Variants in SLC10A7 observed in about 807,000 individuals in gnomAD.
SLC10A7 encodes the protein solute carrier family 10 member 7.
SLC10A7 carries 29 observed loss-of-function variants against 43.2 expected under a neutral mutation model. The ratio of observed to expected loss-of-function variants is 0.67; its 90% CI spans 0.50 to 0.92. SLC10A7 has a LOEUF of 0.92. Ranked by LOEUF, SLC10A7 falls within the 40% of genes least tolerant of loss-of-function variation. The probability of loss-of-function intolerance (pLI) is 0.00; values close to 1 mark genes in which losing one functional copy is unlikely to be tolerated. For synonymous variants in SLC10A7, 152 were observed against 144.8 expected (o/e 1.05, Z -0.35); for missense variants, 295 against 403.2 (o/e 0.73, Z 2.30).
At chr4:146,489,409 T>C (rs1735200847) in intron 4 of SLC10A7, among the ~76,000 whole-genome samples, 2 of 152,230 alleles carry the variant, frequency 1.3e-5, no homozygotes, top group Admixed American at 1.3e-4. Context: ...TCTCTTTTTG[T>C]GTCAGTTTTC....
chr4:146,316,243 C>T (rs1485950), intron 6 of SLC10A7, among the ~76,000 whole-genome samples: 124,415 of 152,062 alleles, frequency 0.82, 51,707 homozygotes, highest in African/African-American at 0.95. Flanking sequence ...GAGAGATATG[C>T]TATCAAGATA....
intron 9 of SLC10A7, among the ~76,000 whole-genome samples, chr4:146,288,259 G>A (rs1730169055): frequency 6.6e-6 from 1 of 152,330 alleles, no homozygotes; most frequent in African/African-American, 2.4e-5. Context: ...ATCGGGGAAA[G>A]CTGATAGAGC....
intron 10 of SLC10A7, among the ~76,000 whole-genome samples, chr4:146,280,359 G>A (rs1447847587): frequency 6.6e-6 from 1 of 152,056 alleles, no homozygotes; most frequent in Non-Finnish European, 1.5e-5. Flanking sequence ...CTTGCTTTCT[G>A]GACTATGAAG....
chr4:146,300,044 G>A (rs1404487018), intron 7 of SLC10A7, among the ~76,000 whole-genome samples: 1 of 152,176 alleles, frequency 6.6e-6, no homozygotes, highest in African/African-American at 2.4e-5. Flanking sequence ...ATCAAAGGGA[G>A]AAAGAGTGAA....
At chr4:146,304,995 A>G (rs1731447903) in intron 7 of SLC10A7, among the ~76,000 whole-genome samples, 1 of 151,718 alleles carries the variant, frequency 6.6e-6, no homozygotes, top group Admixed American at 6.6e-5. Context: ...AACTAGTTCA[A>G]CCATTGTGGA....
At position 146,292,977 on chromosome 4, in the gene SLC10A7, A is replaced by G; in HGVS notation, c.725T>C (p.Phe242Ser). 1 of 1,575,076 alleles carries G rather than the reference A, an allele frequency of 6.3e-7. No homozygotes were observed. The highest frequency in any genetic ancestry group is 8.7e-7 in the Non-Finnish European group (1 of 1,149,694). Residue 242 changes from phenylalanine (F) to serine (S), a missense_variant, in exon 9 of 12, where the codon TTT (phenylalanine) becomes TCT (serine). Transcript: ENST00000335472. ...AAGCATAAAACTCAGCTGGATAGAA[A>G]ATACTGAAGAAAAAAAGATTGAATC... ...FSLVLILFII[F>S]SIQLSFMLLT...
chr4:146,299,566 C>T (rs537177976), intron 7 of SLC10A7, among the ~76,000 whole-genome samples: 58 of 152,180 alleles, frequency 3.8e-4, no homozygotes, highest in South Asian at 3.3e-3. Flanking sequence ...GCAGAAGGAA[C>T]GGCCAGTGCA....
At chr4:146,484,118 A>G (rs1038072970) in intron 4 of SLC10A7, among the ~76,000 whole-genome samples, 2 of 152,182 alleles carry the variant, frequency 1.3e-5, no homozygotes, top group African/African-American at 2.4e-5. Flanking sequence ...TCAGGAGGCC[A>G]AGGCAGGAGG....
At chr4:146,308,399 C>A (rs1039574199) in intron 6 of SLC10A7, among the ~76,000 whole-genome samples, 5 of 152,100 alleles carry the variant, frequency 3.3e-5, no homozygotes, top group Admixed American at 2.6e-4. Flanking sequence ...ATGAAGTATG[C>A]CCTGGCATCC....
intron 4 of SLC10A7, among the ~76,000 whole-genome samples, chr4:146,460,776 TA>T (rs1305291671): frequency 1.3e-5 from 2 of 152,032 alleles, no homozygotes. Flanking sequence ...CTAAAACATA[TA>T]ATTTTAAAAG....
intron 10 of SLC10A7, among the ~76,000 whole-genome samples, chr4:146,282,900 C>T (rs1255144517): frequency 1.3e-5 from 2 of 152,116 alleles, no homozygotes; most frequent in African/African-American, 4.8e-5. Context: ...TCCACAGCAT[C>T]TCCACCCCTG....
chr4:146,395,212 A>C (rs1738733047), intron 5 of SLC10A7, among the ~76,000 whole-genome samples: 1 of 152,086 alleles, frequency 6.6e-6, no homozygotes, highest in Non-Finnish European at 1.5e-5. Context: ...TCTACAAAAA[A>C]AGAAAAAAAA....
chr4:146,387,452 T>A (rs959037079), intron 5 of SLC10A7, among the ~76,000 whole-genome samples: 2 of 152,070 alleles, frequency 1.3e-5, no homozygotes, highest in African/African-American at 4.8e-5. Flanking sequence ...AAATGAGGCA[T>A]CAAACAAACA....
At chr4:146,436,065 T>C (rs1730186112) in intron 5 of SLC10A7, among the ~76,000 whole-genome samples, 1 of 151,992 alleles carries the variant, frequency 6.6e-6, no homozygotes, top group Non-Finnish European at 1.5e-5. Flanking sequence ...TCCATCATTA[T>C]TAAAATAAAA....
At chr4:146,369,846 G>A (rs190769586) in intron 5 of SLC10A7, among the ~76,000 whole-genome samples, 4 of 152,242 alleles carry the variant, frequency 2.6e-5, no homozygotes, top group Admixed American at 2.6e-4. Flanking sequence ...GACTGCTGAT[G>A]TGGACAATAA....
chr4:146,442,618 T>C, intron 5 of SLC10A7, 165 bp downstream of exon 5: 1 of 1,465,242 alleles, frequency 6.8e-7, no homozygotes, highest in Non-Finnish European at 9.0e-7. Flanking sequence ...ATTTGCTTTA[T>C]TCATTAACTA....
At chr4:146,420,975 TATA>T (rs1728922573) in intron 5 of SLC10A7, among the ~76,000 whole-genome samples, 1 of 152,050 alleles carries the variant, frequency 6.6e-6, no homozygotes, top group Non-Finnish European at 1.5e-5. Flanking sequence ...TGCAGTGACA[TATA>T]ATTGCACCAC....
intron 2 of SLC10A7, chr4:146,514,546 A>T (rs1301571281): frequency 6.6e-6 from 1 of 152,214 alleles, no homozygotes; most frequent in East Asian, 1.9e-4. Context: ...ATTTTAACAA[A>T]TTACTAAAAC....
chr4:146,294,887 C>T lies in SLC10A7; in HGVS notation c.556-792G>A, dbSNP rs151060935. Among the ~76,000 whole-genome samples the T allele has an allele frequency of 3.9e-3, 600 of 152,258 alleles. 2 individuals are homozygous for T. The highest frequency in any genetic ancestry group is 0.013 in the African/African-American group (550 of 41,552). On this transcript the variant is annotated intron_variant, in intron 7 of 11. Transcript: ENST00000335472. ...TAAAAGTGAACCACTCTACTTAAAA[C>T]ATTGTTTCACTTTTGAAAGAAGCTG...
Sources: gnomAD v4.1 joint callset for allele counts (sites outside exome capture counted in the v4.1 genomes callset) on GRCh38, gnomAD v4.1.1 for gene constraint, MANE v1.5 for transcripts, NCBI Gene and HGNC (gene_info 2026-07-23, HGNC 2026-07-21) for gene names.